The following EIF4E3 variants were observed in gnomAD, a reference collection of about 807,000 sequenced individuals.
The protein encoded by EIF4E3 is eukaryotic translation initiation factor 4E family member 3.
In EIF4E3, 26 loss-of-function variants were observed where a neutral mutation model predicts 31.7. The ratio of observed to expected loss-of-function variants is 0.82; its 90% CI spans 0.60 to 1.14. The LOEUF (loss-of-function observed/expected upper bound fraction) is 1.14. Among genes scored for constraint, EIF4E3 ranks in the 50% most tolerant of loss-of-function variants. EIF4E3 has a pLI of 0.00. For missense variants in EIF4E3, 304 were observed against 270.9 expected, an observed-to-expected ratio of 1.12 and a Z score of -0.86; for synonymous variants, 128 against 107.7, an observed-to-expected ratio of 1.19 and a Z score of -1.17.
chr3:71,699,220 T>C (rs946212941), intron 3 of EIF4E3, among the ~76,000 whole-genome samples: 3 of 151,810 alleles, frequency 2.0e-5, no homozygotes, highest in African/African-American at 7.3e-5. Context: ...GAGTGAGACC[T>C]GGTCTCAAAA....
downstream of EIF4E3, among the ~76,000 whole-genome samples, chr3:71,673,879 G>C (rs1169834657): frequency 2.0e-5 from 3 of 147,184 alleles, no homozygotes; most frequent in Non-Finnish European, 3.0e-5. Flanking sequence ...TTCCTTTAAG[G>C]TAGCCAGGAT....
At chr3:71,715,025 T>C (rs1358422827) in intron 1 of EIF4E3, among the ~76,000 whole-genome samples, 1 of 152,234 alleles carries the variant, frequency 6.6e-6, no homozygotes, top group African/African-American at 2.4e-5. Flanking sequence ...AGAACCCTAG[T>C]CCAAACCCTG....
At chr3:71,753,900 A>G, upstream of EIF4E3, 1 of 923,568 alleles carries the variant, frequency 1.1e-6, no homozygotes, top group Non-Finnish European at 1.3e-6. Context: ...CGGGGAGCCC[A>G]GGAGGGGCCG....
chr3:71,707,729 A>G (rs2049314566), intron 2 of EIF4E3, among the ~76,000 whole-genome samples: 1 of 152,194 alleles, frequency 6.6e-6, no homozygotes, highest in Non-Finnish European at 1.5e-5. Flanking sequence ...GTACGTAAAA[A>G]GAATGAGATT....
intron 2 of EIF4E3, among the ~76,000 whole-genome samples, chr3:71,708,939 G>T (rs919055379): frequency 6.6e-6 from 1 of 152,108 alleles, no homozygotes; most frequent in East Asian, 1.9e-4. Context: ...TTTCCCCAAC[G>T]ACACCAGAAA....
chr3:71,754,179 G>A (rs758405764), upstream of EIF4E3: 3 of 1,442,630 alleles, frequency 2.1e-6, no homozygotes, highest in Admixed American at 4.1e-5. This position sits in a 1 kb window ranked among gnomAD's most constrained non-coding sequence, Gnocchi z 5.8. Context: ...GCTGCTGATC[G>A]TGCGGGAGCG....
At position 71,725,302 on chromosome 3, in the gene EIF4E3, G is replaced by T; in HGVS notation, c.66C>A (p.Ala22=). The change falls in exon 1 of 7, where the codon GCC becomes GCA. Residue 22 remains alanine, a synonymous_variant. Transcript: ENST00000425534. The surrounding 1 kb of genome is among the most constrained non-coding windows in gnomAD (Gnocchi z 6.1). The stretch of plus-strand genomic sequence containing the variant: ...GCGGCTCGGGGGCGGCGGCAGCGGC[G>T]GCGGCGCGGGACCCCGGCGGCTCCC... ...GAREPPGSRA[A]AAAAAPEPPL... 3 of 991,612 alleles carry T rather than the reference G, an allele frequency of 3.0e-6. No homozygotes were observed. Among genetic ancestry groups the T allele is most frequent in the Non-Finnish European group, 3.6e-6 (3 of 834,122 alleles). 61.4% of individuals were successfully genotyped at this position (991,612 alleles called of 1,614,324 possible). A position where few individuals can be genotyped will look rare whatever the true frequency, so the allele number is the denominator to read the frequency against.
At chr3:71,687,078 G>A (rs1360106523) in intron 6 of EIF4E3, among the ~76,000 whole-genome samples, 1 of 152,210 alleles carries the variant, frequency 6.6e-6, no homozygotes, top group African/African-American at 2.4e-5. Flanking sequence ...CTGGCTCACT[G>A]CAACCTTCAC....
chr3:71,738,198 A>G (rs1047729669), intron 1 of EIF4E3, among the ~76,000 whole-genome samples: 16 of 152,234 alleles, frequency 1.1e-4, no homozygotes, highest in Non-Finnish European at 4.4e-5. Flanking sequence ...AGACAAGAAG[A>G]GTCTAGTTTC....
chr3:71,663,593 C>T, the EIF4E3 span, among the ~76,000 whole-genome samples: 1 of 152,156 alleles, frequency 6.6e-6, no homozygotes, highest in African/African-American at 2.4e-5. Flanking sequence ...GGATGCTTTA[C>T]AAGGCAGTGG....
intron 4 of EIF4E3, 57 bp from the exon 5 acceptor site, chr3:71,693,998 A>T: frequency 6.8e-7 from 1 of 1,469,724 alleles, no homozygotes; most frequent in Non-Finnish European, 9.1e-7. Flanking sequence ...TTTTTAGACA[A>T]TTATCCTCAG....
intron 1 of EIF4E3, among the ~76,000 whole-genome samples, chr3:71,748,725 T>G (rs543076851): frequency 6.6e-6 from 1 of 152,158 alleles, no homozygotes; most frequent in African/African-American, 2.4e-5. Flanking sequence ...GCGCGCACTA[T>G]CCTGAATGAC....
At chr3:71,719,520 G>C (rs2049513922) in intron 1 of EIF4E3, among the ~76,000 whole-genome samples, 1 of 150,744 alleles carries the variant, frequency 6.6e-6, no homozygotes, top group African/African-American at 2.4e-5. Context: ...GTATATGATG[G>C]CTCACCTTTC....
At chr3:71,741,421 G>A (rs2049820146) in intron 1 of EIF4E3, among the ~76,000 whole-genome samples, 1 of 152,232 alleles carries the variant, frequency 6.6e-6, no homozygotes, top group Admixed American at 6.5e-5. Context: ...TATTTGGAAT[G>A]AAGAGGGTCG....
At chr3:71,715,528 T>C (rs1006248542) in intron 1 of EIF4E3, among the ~76,000 whole-genome samples, 8 of 152,196 alleles carry the variant, frequency 5.3e-5, no homozygotes, top group Admixed American at 5.2e-4. Flanking sequence ...GGAACATACA[T>C]GCTGATAATG....
chr3:71,737,589 T>G (rs1454196643), intron 1 of EIF4E3, among the ~76,000 whole-genome samples: 1 of 151,768 alleles, frequency 6.6e-6, no homozygotes, highest in Non-Finnish European at 1.5e-5. Context: ...ATAATCAAAC[T>G]GCTACAGTGC....
chr3:71,720,601 A>G (rs1221078522), intron 1 of EIF4E3, among the ~76,000 whole-genome samples: 1 of 152,182 alleles, frequency 6.6e-6, no homozygotes, highest in African/African-American at 2.4e-5. Flanking sequence ...GGATCACACA[A>G]CTTCATAAAA....
chr3:71,737,324 G>A, intron 1 of EIF4E3, among the ~76,000 whole-genome samples: 1 of 152,162 alleles, frequency 6.6e-6, no homozygotes, highest in East Asian at 1.9e-4. Flanking sequence ...TCAAAACAGA[G>A]CACTGTGGCA....
chr3:71,721,425 G>A (rs1578372219), intron 1 of EIF4E3, among the ~76,000 whole-genome samples: 1 of 152,106 alleles, frequency 6.6e-6, no homozygotes, highest in African/African-American at 2.4e-5. Context: ...GGATGCTTGC[G>A]CCATTTCATA....
Sources: allele counts gnomAD v4.1 joint callset (sites outside exome capture counted in the v4.1 genomes callset), GRCh38; gene constraint gnomAD v4.1.1; non-coding constraint Gnocchi (gnomAD v3.1); transcripts MANE v1.5; gene names NCBI Gene and HGNC (gene_info 2026-07-23, HGNC 2026-07-21).